SLCO5A1: variants seen among roughly 807,000 people sequenced by gnomAD.
The protein encoded by SLCO5A1 is solute carrier organic anion transporter family member 5A1.
SLCO5A1 carries 39 observed loss-of-function variants against 65.1 expected under a neutral mutation model. The ratio of observed to expected loss-of-function variants is 0.60; its 90% CI spans 0.46 to 0.78. The LOEUF (loss-of-function observed/expected upper bound fraction) is 0.78. Ranked by LOEUF, SLCO5A1 falls within the 30% of genes least tolerant of loss-of-function variation. The pLI is 0.00. For synonymous variants in SLCO5A1, 438 were observed against 415.7 expected (o/e 1.05, Z -0.65); for missense variants, 1,029 against 1,069.4 (o/e 0.96, Z 0.53).
chr8:69,765,194 G>C (rs986045042), intron 2 of SLCO5A1, among the ~76,000 whole-genome samples: 1 of 151,808 alleles, frequency 6.6e-6, no homozygotes, highest in Non-Finnish European at 1.5e-5. Context: ...GTGTGCCTGT[G>C]TGTATACAGA....
chr8:69,684,107 A>G (rs1407708537), intron 6 of SLCO5A1, among the ~76,000 whole-genome samples: 1 of 151,074 alleles, frequency 6.6e-6, no homozygotes, highest in Non-Finnish European at 1.5e-5. Context: ...GCTCCATAGA[A>G]AAAAAGTATG....
intron 5 of SLCO5A1, among the ~76,000 whole-genome samples, chr8:69,709,530 C>A (rs1198497181): frequency 1.3e-5 from 2 of 151,694 alleles, no homozygotes. Context: ...CATATTGTAA[C>A]AAAACAGTTG....
chr8:69,682,450 A>T, intron 6 of SLCO5A1, 107 bp from the exon 7 acceptor site: 1 of 1,160,610 alleles, frequency 8.6e-7, no homozygotes, highest in Non-Finnish European at 1.1e-6. Context: ...TATTCTTCCC[A>T]TTGAATCAAA....
chr8:69,832,431 G>T lies in SLCO5A1; in HGVS notation c.243C>A (p.Pro81=). The T allele has an allele frequency of 6.2e-7, 1 of 1,613,000 alleles. No homozygotes were observed. The highest frequency in any genetic ancestry group is 8.5e-7 in the Non-Finnish European group (1 of 1,179,566). Residue 81 remains proline, a synonymous_variant, in exon 2 of 10, where the codon CCC becomes CCA. Coordinates refer to ENST00000260126, the MANE Select transcript of SLCO5A1 (RefSeq NM_030958.3). The surrounding 1 kb of genome is among the most constrained non-coding windows in gnomAD (Gnocchi z 4.5). ...ELKQGPNPLA[P]SPSAPSTSAG... is the part of the protein sequence containing the mutation. ...CCGAAGTGGACGGGGCAGAGGGACT[G>T]GGGGCCAACGGGTTCGGGCCTTGCT...
intron 2 of SLCO5A1, among the ~76,000 whole-genome samples, chr8:69,817,906 C>T (rs1820470419): frequency 6.6e-6 from 1 of 152,134 alleles, no homozygotes. Context: ...GCTTTTTCCC[C>T]ACCAAGGGGC....
At chr8:69,799,215 A>G (rs183769558) in intron 2 of SLCO5A1, among the ~76,000 whole-genome samples, 1 of 152,194 alleles carries the variant, frequency 6.6e-6, no homozygotes, top group East Asian at 1.9e-4. Flanking sequence ...GGTATTTAAG[A>G]AGCTTACTTT....
chr8:69,834,062 T>C, intron 1 of SLCO5A1: 1 of 151,260 alleles, frequency 6.6e-6, no homozygotes. Context: ...AGCGTGGGCC[T>C]GGGGAGCGTG....
chr8:69,675,938 G>A (rs1034778040), intron 9 of SLCO5A1, among the ~76,000 whole-genome samples: 2 of 152,182 alleles, frequency 1.3e-5, no homozygotes, highest in Non-Finnish European at 2.9e-5. Context: ...AAGGAATGTT[G>A]TATGTTACAT....
At chr8:69,786,803 T>C (rs1473002121) in intron 2 of SLCO5A1, among the ~76,000 whole-genome samples, 1 of 152,174 alleles carries the variant, frequency 6.6e-6, no homozygotes, top group East Asian at 1.9e-4. Context: ...ATGTCAAATA[T>C]TTGGAGAAAG....
At chr8:69,712,281 T>TCAAG (rs1815303541) in intron 5 of SLCO5A1, among the ~76,000 whole-genome samples, 1 of 152,340 alleles carries the variant, frequency 6.6e-6, no homozygotes, top group Admixed American at 6.5e-5. Flanking sequence ...TCTTTCTCTG[T>TCAAG]CAAGCACTAT....
chr8:69,690,232 C>G lies in SLCO5A1; in HGVS notation c.1623-7889G>C, dbSNP rs375781423. On this transcript the variant is annotated intron_variant, in intron 6 of 9. Coordinates refer to ENST00000260126, the MANE Select transcript of SLCO5A1 (RefSeq NM_030958.3). ...TGGGAATCTCGTTCATCCATTCATG[C>G]GCGTCACTAATTAGATGACGAGGCA... 2.0e-5 allele frequency among the ~76,000 whole-genome samples: 3 copies of G among 152,294 alleles called. No homozygotes were observed. The South Asian group carries it at 6.2e-4, about 32-fold the overall frequency.
At chr8:69,773,022 G>C (rs1344656637) in intron 2 of SLCO5A1, 4 of 949,528 alleles carry the variant, frequency 4.2e-6, no homozygotes, top group Non-Finnish European at 5.0e-6. Flanking sequence ...AGGGAGGACA[G>C]AGAAGGCTTC....
chr8:69,763,904 G>A (rs551720043), intron 2 of SLCO5A1, among the ~76,000 whole-genome samples: 74 of 151,488 alleles, frequency 4.9e-4, no homozygotes, highest in African/African-American at 1.8e-3. Context: ...ATTCTCTGTC[G>A]CCCAGGCTGG....
At chr8:69,820,572 C>T (rs1586834585) in intron 2 of SLCO5A1, among the ~76,000 whole-genome samples, 1 of 152,186 alleles carries the variant, frequency 6.6e-6, no homozygotes, top group South Asian at 2.1e-4. Flanking sequence ...GTGGCTCACA[C>T]TTGTAATCCC....
chr8:69,821,274 G>T (rs947083798), intron 2 of SLCO5A1, among the ~76,000 whole-genome samples: 1 of 151,880 alleles, frequency 6.6e-6, no homozygotes, highest in Non-Finnish European at 1.5e-5. Context: ...CAGGAGAATC[G>T]CTTGAACCTG....
intron 5 of SLCO5A1, among the ~76,000 whole-genome samples, chr8:69,725,248 A>G (rs948104335): frequency 1.3e-5 from 2 of 152,096 alleles, no homozygotes; most frequent in African/African-American, 4.8e-5. Flanking sequence ...CCTTTCTCCT[A>G]TACCATATTG....
chr8:69,678,868 A>G (rs1268167964), intron 8 of SLCO5A1, among the ~76,000 whole-genome samples: 3 of 151,962 alleles, frequency 2.0e-5, no homozygotes, highest in African/African-American at 7.3e-5. Context: ...CTGAAATTTT[A>G]TATGATAGTA....
At chr8:69,783,664 C>T (rs902931074) in intron 2 of SLCO5A1, among the ~76,000 whole-genome samples, 1 of 151,732 alleles carries the variant, frequency 6.6e-6, no homozygotes, top group Non-Finnish European at 1.5e-5. Flanking sequence ...TGGAATTACC[C>T]AAAACACCCC....
chr8:69,741,190 C>G (rs1384471043), intron 4 of SLCO5A1, among the ~76,000 whole-genome samples: 1 of 152,148 alleles, frequency 6.6e-6, no homozygotes, highest in Non-Finnish European at 1.5e-5. Context: ...GCAGTGCTGT[C>G]TAGGGTTCCT....
Sources: allele counts gnomAD v4.1 joint callset (sites outside exome capture counted in the v4.1 genomes callset), GRCh38; gene constraint gnomAD v4.1.1; non-coding constraint Gnocchi (gnomAD v3.1); transcripts MANE v1.5; gene names NCBI Gene and HGNC (gene_info 2026-07-23, HGNC 2026-07-21).